Variants in PRUNE2 observed in about 807,000 individuals in gnomAD.
PRUNE2 encodes protein prune homolog 2.
A neutral mutation model predicts 252.0 loss-of-function variants in PRUNE2; 164 were observed. That is an observed-to-expected ratio of 0.65 (90% CI 0.57 to 0.74). PRUNE2 has a LOEUF of 0.74. PRUNE2 is among the 30% of genes least tolerant of loss of function. The probability of loss-of-function intolerance (pLI) is 0.00; values close to 1 mark genes in which losing one functional copy is unlikely to be tolerated. For missense variants in PRUNE2, 3,495 were observed against 3,711.0 expected (o/e 0.94, Z 1.51); for synonymous variants, 1,292 against 1,350.2 (o/e 0.96, Z 0.94).
intron 1 of PRUNE2, chr9:76,857,049 T>A (rs371029360): frequency 6.8e-5 from 31 of 455,838 alleles, no homozygotes; most frequent in African/African-American, 6.2e-4. Flanking sequence ...CCACCGCGCC[T>A]GGCCAACATG....
intron 4 of PRUNE2, among the ~76,000 whole-genome samples, chr9:76,844,838 C>G (rs1465210795): frequency 6.6e-6 from 1 of 151,906 alleles, no homozygotes; most frequent in Admixed American, 6.6e-5. Context: ...CCACTTCAAG[C>G]CTAACCTCAA....
intron 9 of PRUNE2, among the ~76,000 whole-genome samples, chr9:76,676,876 G>A (rs1158894961): frequency 1.3e-5 from 2 of 152,178 alleles, no homozygotes; most frequent in Non-Finnish European, 2.9e-5. Context: ...TGTTACCATT[G>A]AAAAAGAAAG....
At position 76,711,174 on chromosome 9, in the gene PRUNE2, G is replaced by T; in HGVS notation, c.1100C>A (p.Ser367Tyr). ...CPEMVSNSRT[S>Y]STEAVAGSAP... Reference sequence around the variant, plus strand: ...ACTGCCTGCCACGGCTTCTGTTGAGGATGTCCGGCTATTGGAGACCATCTC... The same window carrying T: ...ACTGCCTGCCACGGCTTCTGTTGAGTATGTCCGGCTATTGGAGACCATCTC... Residue 367 changes from serine (S) to tyrosine (Y), a missense_variant, in exon 8 of 19, where the codon TCC becomes TAC. Coordinates refer to ENST00000376718, the MANE Select transcript of PRUNE2 (RefSeq NM_015225.3). 1 of 1,613,994 alleles carries T rather than the reference G, an allele frequency of 6.2e-7. No individual in the cohort carries two copies. Among genetic ancestry groups the T allele is most frequent in the Non-Finnish European group, 8.5e-7 (1 of 1,179,890 alleles).
chr9:76,894,350 A>T (rs937652309), intron 1 of PRUNE2, among the ~76,000 whole-genome samples: 1 of 152,220 alleles, frequency 6.6e-6, no homozygotes, highest in Non-Finnish European at 1.5e-5. Flanking sequence ...GCCAAGGGAC[A>T]TATTTAACTG....
chr9:76,627,914 C>A, intron 16 of PRUNE2: 1 of 374,746 alleles, frequency 2.7e-6, no homozygotes, highest in Admixed American at 3.2e-5. Context: ...ATCATAGACA[C>A]ACATTACATG....
At chr9:76,650,301 A>G (rs557359) in intron 11 of PRUNE2, among the ~76,000 whole-genome samples, 117,233 of 149,844 alleles carry the variant, frequency 0.78, 46,062 homozygotes, top group Middle Eastern at 0.82. Context: ...ATAATGAAAC[A>G]TATATAATGA....
intron 9 of PRUNE2, among the ~76,000 whole-genome samples, chr9:76,667,180 G>C (rs1275655118): frequency 6.6e-6 from 1 of 152,214 alleles, no homozygotes; most frequent in Non-Finnish European, 1.5e-5. Flanking sequence ...AACCCAATTA[G>C]GCAACGGTCA....
chr9:76,748,681 C>A (rs1050819859), intron 6 of PRUNE2: 1 of 152,160 alleles, frequency 6.6e-6, no homozygotes, highest in Non-Finnish European at 1.5e-5. Context: ...TGACTTGGAG[C>A]GTCAGTGGAG....
chr9:76,824,640 C>G (rs777088704), intron 5 of PRUNE2, among the ~76,000 whole-genome samples: 2 of 152,110 alleles, frequency 1.3e-5, no homozygotes, highest in Admixed American at 1.3e-4. Context: ...ACATTTAATT[C>G]TCGCGCTACA....
intron 6 of PRUNE2, among the ~76,000 whole-genome samples, chr9:76,761,155 C>T (rs1212071717): frequency 2.0e-5 from 3 of 151,398 alleles, no homozygotes; most frequent in Non-Finnish European, 4.4e-5. Flanking sequence ...AATAGAATTG[C>T]CTGAATCTTT....
Position 76,857,586 on chromosome 9 carries a change from G to GCAAAGGGTAACCATGCT in PRUNE2, c.37-3395_37-3379dup, listed in dbSNP as rs1285640065. Among the ~76,000 whole-genome samples, 5 of 152,238 alleles carry GCAAAGGGTAACCATGCT rather than the reference G, an allele frequency of 3.3e-5. No homozygotes were observed. In the South Asian group the frequency reaches 1.0e-3, roughly 32 times the overall value. Reference sequence around the variant, plus strand: ...ACTGATAAGATAGAATTGCAGGGCAGCAAAGGGTAACCATGCTCAAACTCC... The same window carrying GCAAAGGGTAACCATGCT: ...ACTGATAAGATAGAATTGCAGGGCAGCAAAGGGTAACCATGCTCAAAGGGTAACCATGCTCAAACTCC... On this transcript the variant is annotated intron_variant, in intron 1 of 18. Transcript: ENST00000376718.
intron 1 of PRUNE2, among the ~76,000 whole-genome samples, chr9:76,897,974 C>T (rs7036810): frequency 0.071 from 10,729 of 152,158 alleles, 1,253 homozygotes; most frequent in African/African-American, 0.24. Flanking sequence ...CTGGAGATCA[C>T]GTCCTCGTCT....
intron 6 of PRUNE2, among the ~76,000 whole-genome samples, chr9:76,822,315 T>C (rs2058079684): frequency 6.6e-6 from 1 of 152,290 alleles, no homozygotes; most frequent in Admixed American, 6.5e-5. Flanking sequence ...CCACCAAACA[T>C]CACAGTTTGC....
At chr9:76,767,334 CCAGCTA>C (rs1443834364) in intron 6 of PRUNE2, among the ~76,000 whole-genome samples, 2 of 152,064 alleles carry the variant, frequency 1.3e-5, no homozygotes, top group African/African-American at 2.4e-5. Flanking sequence ...GCCTGTAATC[CCAGCTA>C]CTCGAGAGGC....
intron 6 of PRUNE2, among the ~76,000 whole-genome samples, chr9:76,773,950 C>G (rs1030783415): frequency 1.3e-5 from 2 of 151,980 alleles, no homozygotes; most frequent in Non-Finnish European, 2.9e-5. Flanking sequence ...AGAGAAGGAG[C>G]AAGTGAAAAC....
intron 7 of PRUNE2, among the ~76,000 whole-genome samples, chr9:76,712,807 G>C (rs1175493620): frequency 1.3e-5 from 2 of 152,280 alleles, no homozygotes; most frequent in African/African-American, 2.4e-5. Flanking sequence ...GAGAGCCCGA[G>C]AGTACCCATA....
chr9:76,654,025 TA>T (rs1848369978), intron 10 of PRUNE2, among the ~76,000 whole-genome samples: 1 of 152,184 alleles, frequency 6.6e-6, no homozygotes, highest in Non-Finnish European at 1.5e-5. Context: ...ACAGAGGTCT[TA>T]AAACCCTTGT....
intron 4 of PRUNE2, among the ~76,000 whole-genome samples, chr9:76,844,016 C>T (rs1289276292): frequency 6.6e-6 from 1 of 152,234 alleles, no homozygotes; most frequent in African/African-American, 2.4e-5. Flanking sequence ...GCGTGAGCCA[C>T]CACGCCCAGC....
intron 14 of PRUNE2, among the ~76,000 whole-genome samples, chr9:76,637,010 TATAATTTTA>T (rs1360622349): frequency 1.0e-5 from 1 of 97,144 alleles, no homozygotes; most frequent in East Asian, 2.5e-4. Flanking sequence ...TGTGTGTGTG[TATAATTTTA>T]GGGAGTTCTA....
Sources: allele counts gnomAD v4.1 joint callset (sites outside exome capture counted in the v4.1 genomes callset), GRCh38; gene constraint gnomAD v4.1.1; transcripts MANE v1.5; gene names NCBI Gene and HGNC (gene_info 2026-07-23, HGNC 2026-07-21).